The following ZNF174 variants were observed in gnomAD, a reference collection of about 807,000 sequenced individuals.
ZNF174 encodes the protein AW-1.
In ZNF174, 30 loss-of-function variants were observed where a neutral mutation model predicts 38.7. The observed-to-expected ratio is 0.78, with a 90% CI of 0.58 to 1.05. The LOEUF is 1.05. Ranked by LOEUF, ZNF174 falls within the 50% of genes least tolerant of loss-of-function variation. ZNF174 has a pLI of 0.00. For missense variants in ZNF174, 499 were observed against 495.6 expected (o/e 1.01, Z -0.06); for synonymous variants, 201 against 181.7 (o/e 1.11, Z -0.86).
At chr16:3,403,543 G>A (rs1373700214) in intron 1 of ZNF174, among the ~76,000 whole-genome samples, 9 of 149,900 alleles carry the variant, frequency 6.0e-5, no homozygotes, top group African/African-American at 2.0e-4. Flanking sequence ...CTGGAGGGCA[G>A]TGGCACGATC....
rs2033882554 is a variant in ZNF174, at chr16:3,401,243, A to C, written c.-762A>C. The C allele has an allele frequency of 6.6e-6, 1 of 152,232 alleles. No individual in the cohort carries two copies. Among genetic ancestry groups the C allele is most frequent in the African/African-American group, 2.4e-5 (1 of 41,414 alleles). The allele number at this position is 152,232 out of a possible 1,614,324, so 9.4% of individuals were successfully genotyped here. A position where few individuals can be genotyped will look rare whatever the true frequency, so the allele number is the denominator to read the frequency against. ...CCGTGCTCGCCGGTGTCGGGTCCTA[A>C]GTCCCTCGGTCTTGGGTTCCCGGAG... On this transcript the variant is annotated 5_prime_UTR_variant, in exon 1 of 3. Transcript: ENST00000268655.
At position 3,408,248 on chromosome 16, in the gene ZNF174, G is replaced by A. The variant is rs113680924; in HGVS notation, c.626-73G>A. 7.2e-5 allele frequency: 104 copies of A among 1,435,784 alleles called. 3 individuals are homozygous for A. In the African/African-American group the frequency reaches 1.1e-3, roughly 15 times the overall value. 88.9% of individuals were successfully genotyped at this position (1,435,784 alleles called of 1,614,324 possible). The stretch of plus-strand genomic sequence containing the variant: ...GGGCCACCCTTTGAGAAACCTCTCA[G>A]AGTATTTCATAACTCTTGCTGAAGT... On this transcript the variant is annotated intron_variant, in intron 2 of 2. Coordinates refer to ENST00000268655, the MANE Select transcript of ZNF174 (RefSeq NM_003450.3).
chr16:3,404,377 C>T (rs746502633), intron 1 of ZNF174, 49 bp from the exon 2 acceptor site: 1 of 1,516,824 alleles, frequency 6.6e-7, no homozygotes, highest in South Asian at 1.3e-5. Flanking sequence ...AGAGATCAAG[C>T]TTCCCTCAGT....
chr16:3,404,542 C>A lies in ZNF174; in HGVS notation c.519C>A (p.Ser173Arg), dbSNP rs1014180557. 8 of 1,614,090 alleles carry A rather than the reference C, an allele frequency of 5.0e-6. No homozygotes were observed. The East Asian group carries it at 6.7e-5, about 13-fold the overall frequency. The change falls in exon 2 of 3, where the codon AGC becomes AGA. Residue 173 changes from serine (S) to arginine (R), a missense_variant. By Grantham distance (110) the Ser-to-Arg change is moderately radical (BLOSUM62 -1). Coordinates refer to ENST00000268655, the MANE Select transcript of ZNF174 (RefSeq NM_003450.3). ...CTCCTAGGAGAGATCTCAGGGAGAG[C>A]TCTCCAGCAGAGCCTTCCCAGGCAG... Reference protein sequence around the residue: ...PQTPRRDLRESSPAEPSQAGA... With the variant: ...PQTPRRDLRERSPAEPSQAGA...
At position 3,404,478 on chromosome 16, in the gene ZNF174, A is replaced by T; in HGVS notation, c.455A>T (p.Gln152Leu). ...QKVLLEKTGSQLGEQELPDFQ... is the reference protein window; with the variant it reads ...QKVLLEKTGSLLGEQELPDFQ... ...GTGCTCTTGGAGAAAACTGGATCTC[A>T]GCTTGGAGAACAGGAACTGCCAGAC... Residue 152 changes from glutamine (Q) to leucine (L), a missense_variant, in exon 2 of 3, where the codon CAG becomes CTG. Physicochemically the swap from Gln to Leu is moderately radical, Grantham distance 113. Coordinates refer to ENST00000268655, the MANE Select transcript of ZNF174 (RefSeq NM_003450.3). 1 of 1,612,014 alleles carries T rather than the reference A, an allele frequency of 6.2e-7. No homozygotes were observed. The highest frequency in any genetic ancestry group is 8.5e-7 in the Non-Finnish European group (1 of 1,178,272).
chr16:3,402,455 T>TTC lies in ZNF174; in HGVS notation c.402+50_402+51insCT, dbSNP rs765034430. 407 of 1,470,556 alleles carry TTC rather than the reference T, an allele frequency of 2.8e-4. 1 individual carries two copies. The highest frequency in any genetic ancestry group is 3.6e-4 in the Non-Finnish European group (394 of 1,098,336). 91.1% of individuals were successfully genotyped at this position (1,470,556 alleles called of 1,614,324 possible). A position where few individuals can be genotyped will look rare whatever the true frequency, so the allele number is the denominator to read the frequency against. On this transcript the variant is annotated intron_variant, in intron 1 of 2. Transcript: ENST00000268655. ...TCCTGGGGATTTCTTTTTCTTTTCT[T>TTC]TTTTTTTTTTTTTCTTTTTTTGAGA...
Position 3,402,179 on chromosome 16 carries a change from G to A in ZNF174, c.175G>A (p.Gly59Arg), listed in dbSNP as rs1414213848. Residue 59 changes from glycine (G) to arginine (R), a missense_variant, in exon 1 of 3, where the codon GGA becomes AGA. Transcript: ENST00000268655. ...ACGCTTTTGTTATCAAGAGGTGTCT[G>A]GACCCCAAGAGGCTCTCTCCCAGCT... is the stretch of plus-strand genomic sequence containing the variant. ...FRRFCYQEVS[G>R]PQEALSQLRQ... 6.2e-7 allele frequency: 1 copy of A among 1,612,992 alleles called. No individual in the cohort carries two copies. Among genetic ancestry groups the A allele is most frequent in the Admixed American group, 1.7e-5 (1 of 59,996 alleles).
intron 2 of ZNF174, among the ~76,000 whole-genome samples, chr16:3,406,097 A>G (rs2034051937): frequency 6.6e-6 from 1 of 152,220 alleles, no homozygotes; most frequent in Non-Finnish European, 1.5e-5. Flanking sequence ...AGTTTTATCC[A>G]TGCTGTAGCA....
intron 2 of ZNF174, among the ~76,000 whole-genome samples, chr16:3,407,415 CTA>C (rs1007092373): frequency 8.5e-5 from 13 of 152,140 alleles, no homozygotes; most frequent in Non-Finnish European, 1.8e-4. Context: ...ATGAAAAAGA[CTA>C]TTCTTTTCCC....
chr16:3,408,974 C>G lies in ZNF174; in HGVS notation c.*55C>G. On this transcript the variant is annotated 3_prime_UTR_variant, in exon 3 of 3. Coordinates refer to ENST00000268655, the MANE Select transcript of ZNF174 (RefSeq NM_003450.3). Reference sequence around the variant, plus strand: ...GGAAGGTGTTTGTGTTTCTCCTCCCCCTTACTTGCATGTAAATCACAAAAA... The same window carrying G: ...GGAAGGTGTTTGTGTTTCTCCTCCCGCTTACTTGCATGTAAATCACAAAAA... The G allele has an allele frequency of 1.3e-6, 2 of 1,485,368 alleles. No individual in the cohort carries two copies. The highest frequency in any genetic ancestry group is 9.1e-7 in the Non-Finnish European group (1 of 1,099,760). The allele number at this position is 1,485,368 out of a possible 1,614,324, so 92.0% of individuals were successfully genotyped here.
At chr16:3,403,241 C>G (rs1306686495) in intron 1 of ZNF174, among the ~76,000 whole-genome samples, 1 of 128,798 alleles carries the variant, frequency 7.8e-6, no homozygotes, top group Non-Finnish European at 1.6e-5. Flanking sequence ...GCCATTTCAG[C>G]CCACTGCAAC....
chr16:3,402,612 C>T (rs2033962301), intron 1 of ZNF174, among the ~76,000 whole-genome samples: 1 of 151,196 alleles, frequency 6.6e-6, no homozygotes, highest in Non-Finnish European at 1.5e-5. Context: ...GCGCCCGCCA[C>T]CGCGCCCGGC....
At position 3,402,106 on chromosome 16, in the gene ZNF174, T is replaced by A. The variant is rs34066755; in HGVS notation, c.102T>A (p.Pro34=). The A allele has an allele frequency of 1.1e-3, 1,826 of 1,614,160 alleles. 20 individuals are homozygous for A. The African/African-American group carries it at 0.018, about 16-fold the overall frequency. Residue 34 remains proline, a synonymous_variant, in exon 1 of 3, where the codon CCT becomes CCA. Transcript: ENST00000268655. ...IAKLEEKRGP[P]LQKNCPDPEL... ...AACTAGAAGAGAAACGGGGCCCTCCTCTGCAAAAAAACTGCCCAGATCCTG... is the reference window on the plus strand; with the variant it reads ...AACTAGAAGAGAAACGGGGCCCTCCACTGCAAAAAAACTGCCCAGATCCTG...
chr16:3,404,355 T>G, intron 1 of ZNF174, 71 bp from the exon 2 acceptor site: 1 of 1,461,308 alleles, frequency 6.8e-7, no homozygotes, highest in Non-Finnish European at 9.2e-7. Flanking sequence ...AACGGGTCAT[T>G]ATACAACAGT....
At chr16:3,407,830 T>TA (rs2034076003) in intron 2 of ZNF174, among the ~76,000 whole-genome samples, 1 of 152,230 alleles carries the variant, frequency 6.6e-6, no homozygotes, top group Non-Finnish European at 1.5e-5. Context: ...TCTCTGAACT[T>TA]ACCATCTTTT....
rs1052375944 is a variant in ZNF174 at position 3,407,134 on chromosome 16, T to C, written c.626-1187T>C. 2.0e-5 allele frequency among the ~76,000 whole-genome samples: 3 copies of C among 152,316 alleles called. No homozygotes were observed. The East Asian group carries it at 5.8e-4, about 29-fold the overall frequency. On this transcript the variant is annotated intron_variant, in intron 2 of 2. Coordinates refer to ENST00000268655, the MANE Select transcript of ZNF174 (RefSeq NM_003450.3). Reference sequence around the variant, plus strand: ...GATCAAGGTGCCAGCAGATTTGGTGTCTGGCGAGGGCCCATTCCTCATAAA... The same window carrying C: ...GATCAAGGTGCCAGCAGATTTGGTGCCTGGCGAGGGCCCATTCCTCATAAA...
rs1472148037 is a variant in ZNF174 at position 3,402,411 on chromosome 16, G to A, written c.402+5G>A. ...TCCAAGAAACCAAAGCAGTGGGTAA[G>A]GAGGGTCCTCTCCCATCATCCTGGG... On this transcript the variant is annotated splice_donor_5th_base_variant and intron_variant, in intron 1 of 2. Coordinates refer to ENST00000268655, the MANE Select transcript of ZNF174 (RefSeq NM_003450.3). 6.2e-7 allele frequency: 1 copy of A among 1,604,152 alleles called. No homozygotes were observed. Among genetic ancestry groups the A allele is most frequent in the East Asian group, 2.2e-5 (1 of 44,828 alleles).
At chr16:3,402,749 T>C (rs1007946708) in intron 1 of ZNF174, among the ~76,000 whole-genome samples, 4 of 152,236 alleles carry the variant, frequency 2.6e-5, no homozygotes, top group Admixed American at 2.0e-4. Context: ...TGAGCCACCG[T>C]GCCCGGCCGA....
chr16:3,407,753 G>A (rs946766481), intron 2 of ZNF174, among the ~76,000 whole-genome samples: 1 of 152,180 alleles, frequency 6.6e-6, no homozygotes, highest in Non-Finnish European at 1.5e-5. Flanking sequence ...AGGATACATG[G>A]CTAAGCCCTG....
Sources: allele counts gnomAD v4.1 joint callset (sites outside exome capture counted in the v4.1 genomes callset), GRCh38; gene constraint gnomAD v4.1.1; transcripts MANE v1.5; gene names NCBI Gene and HGNC (gene_info 2026-07-23, HGNC 2026-07-21).